The following ACTR3C variants were observed in gnomAD, a reference collection of about 807,000 sequenced individuals.
ACTR3C encodes actin related protein 3C.
In ACTR3C, 18 loss-of-function variants were observed where a neutral mutation model predicts 26.3. That is an observed-to-expected ratio of 0.68 (90% CI 0.47 to 1.01). The LOEUF (loss-of-function observed/expected upper bound fraction) is 1.01, where lower values mean the gene tolerates loss of function less well. Among genes scored for constraint, ACTR3C ranks in the 50% least tolerant of loss-of-function variants. The probability of loss-of-function intolerance (pLI) is 0.00; values close to 1 mark genes in which losing one functional copy is unlikely to be tolerated. For missense variants in ACTR3C, 184 were observed against 250.7 expected (o/e 0.73, Z 1.80); for synonymous variants, 55 against 94.5 (o/e 0.58, Z 2.42).
chr7:150,084,784 G>A, the ACTR3C span, among the ~76,000 whole-genome samples: 2 of 152,124 alleles, frequency 1.3e-5, no homozygotes, highest in African/African-American at 4.8e-5. Flanking sequence ...TCTGACTTAT[G>A]TTTTAACAGG....
At chr7:150,088,601 C>T in the ACTR3C span, among the ~76,000 whole-genome samples, 1 of 152,146 alleles carries the variant, frequency 6.6e-6, no homozygotes. Context: ...ACGGAGATAA[C>T]ACCTACTTTG....
At chr7:150,070,558 C>G in the ACTR3C span, among the ~76,000 whole-genome samples, 1 of 152,082 alleles carries the variant, frequency 6.6e-6, no homozygotes, top group Admixed American at 6.5e-5. Context: ...TGGAGTGATC[C>G]TCCCACTGCA....
the ACTR3C span, among the ~76,000 whole-genome samples, chr7:150,005,844 T>C: frequency 6.6e-6 from 1 of 152,302 alleles, no homozygotes; most frequent in East Asian, 1.9e-4. Context: ...ATTTTCTTCC[T>C]ACAAGGAGGG....
the ACTR3C span, among the ~76,000 whole-genome samples, chr7:150,120,817 C>T: frequency 6.6e-6 from 1 of 152,178 alleles, no homozygotes; most frequent in African/African-American, 2.4e-5. Context: ...CCCTGATGAA[C>T]ATTGATGCAA....
the ACTR3C span, among the ~76,000 whole-genome samples, chr7:150,120,775 C>T: frequency 1.3e-5 from 2 of 152,104 alleles, no homozygotes; most frequent in Non-Finnish European, 2.9e-5. Flanking sequence ...CTGGCAGAGA[C>T]ACAACTAAAA....
chr7:150,022,596 T>C, the ACTR3C span, among the ~76,000 whole-genome samples: 1 of 152,108 alleles, frequency 6.6e-6, no homozygotes, highest in Non-Finnish European at 1.5e-5. Flanking sequence ...GAGTAGCCGG[T>C]GTGTCTCTTA....
the ACTR3C span, among the ~76,000 whole-genome samples, chr7:150,148,975 G>C: frequency 2.3e-5 from 3 of 128,988 alleles, no homozygotes; most frequent in African/African-American, 8.9e-5. Context: ...GCTGTCTCCA[G>C]CCCATCAGTG....
At chr7:150,136,752 C>T in the ACTR3C span, among the ~76,000 whole-genome samples, 43 of 152,074 alleles carry the variant, frequency 2.8e-4, no homozygotes, top group Admixed American at 1.3e-4. Flanking sequence ...AGTAGACGAC[C>T]TGATGCTGTG....
chr7:150,221,098 T>C, the ACTR3C span, among the ~76,000 whole-genome samples: 1 of 152,250 alleles, frequency 6.6e-6, no homozygotes, highest in Non-Finnish European at 1.5e-5. Context: ...CTGCACGAGC[T>C]ACAGCGGAGG....
the ACTR3C span, among the ~76,000 whole-genome samples, chr7:150,029,762 C>T: frequency 7.9e-5 from 12 of 152,138 alleles, no homozygotes; most frequent in East Asian, 2.3e-3. Context: ...TGCCCATCTC[C>T]GAGGGTCATT....
At chr7:150,169,927 C>T in the ACTR3C span, among the ~76,000 whole-genome samples, 1 of 150,374 alleles carries the variant, frequency 6.7e-6, no homozygotes, top group Non-Finnish European at 1.5e-5. Flanking sequence ...CTTCTTCCTT[C>T]ATTTTTTACA....
the ACTR3C span, among the ~76,000 whole-genome samples, chr7:150,175,806 C>G: frequency 8.2e-6 from 1 of 121,574 alleles, no homozygotes; most frequent in African/African-American, 4.1e-5. Flanking sequence ...CAGTGAGACT[C>G]CATCTGAACA....
At chr7:150,272,117 C>T (rs1834493930) in intron 6 of ACTR3C, among the ~76,000 whole-genome samples, 5 of 146,976 alleles carry the variant, frequency 3.4e-5, no homozygotes, top group South Asian at 2.2e-4. Context: ...GCCATGCCTA[C>T]GACAAACCAT....
chr7:149,937,286 G>A, the ACTR3C span, among the ~76,000 whole-genome samples: 1 of 143,690 alleles, frequency 7.0e-6, no homozygotes, highest in Non-Finnish European at 1.5e-5. Context: ...TTCATGTCTG[G>A]GAGGCAGACT....
At chr7:149,904,619 A>G in the ACTR3C span, among the ~76,000 whole-genome samples, 1 of 134,152 alleles carries the variant, frequency 7.5e-6, no homozygotes, top group African/African-American at 2.5e-5. Flanking sequence ...TAAAACACAT[A>G]TACCATCTTC....
the ACTR3C span, among the ~76,000 whole-genome samples, chr7:150,051,975 G>A: frequency 3.3e-5 from 5 of 152,238 alleles, no homozygotes; most frequent in African/African-American, 1.2e-4. Flanking sequence ...CCTTTTCTCT[G>A]GGTGCTGAGG....
the ACTR3C span, among the ~76,000 whole-genome samples, chr7:149,913,572 C>A: frequency 6.6e-6 from 1 of 151,966 alleles, no homozygotes; most frequent in Non-Finnish European, 1.5e-5. Flanking sequence ...CTGACCAGAT[C>A]ACCTGGGAAA....
At chr7:149,931,033 T>G in the ACTR3C span, among the ~76,000 whole-genome samples, 1 of 152,210 alleles carries the variant, frequency 6.6e-6, no homozygotes, top group African/African-American at 2.4e-5. Context: ...GCCTGGCTAA[T>G]TTTTGTATTT....
At chr7:150,203,906 G>T in the ACTR3C span, among the ~76,000 whole-genome samples, 4 of 151,926 alleles carry the variant, frequency 2.6e-5, no homozygotes, top group Non-Finnish European at 5.9e-5. Flanking sequence ...AAAAATGGTT[G>T]CCAAGTGTCC....
Sources: allele counts gnomAD v4.1 joint callset (sites outside exome capture counted in the v4.1 genomes callset), GRCh38; gene constraint gnomAD v4.1.1; transcripts MANE v1.5; gene names NCBI Gene and HGNC (gene_info 2026-07-23, HGNC 2026-07-21).